The following CTIF variants were observed in gnomAD, a reference collection of about 807,000 sequenced individuals.
CTIF encodes the protein CBP80/20-dependent translation initiation factor.
CTIF carries 21 observed loss-of-function variants against 66.0 expected under a neutral mutation model. The observed-to-expected ratio is 0.32, with a 90% CI of 0.23 to 0.46. CTIF has a LOEUF of 0.46. Ranked by LOEUF, CTIF falls within the 20% of genes least tolerant of loss-of-function variation. The pLI is 1.00. For missense variants in CTIF, 739 were observed against 812.7 expected, an observed-to-expected ratio of 0.91 and a Z score of 1.10; for synonymous variants, 345 against 326.4, an observed-to-expected ratio of 1.06 and a Z score of -0.62.
At chr18:48,733,767 C>A (rs892029281) in intron 7 of CTIF, among the ~76,000 whole-genome samples, 6 of 152,200 alleles carry the variant, frequency 3.9e-5, no homozygotes, top group African/African-American at 1.4e-4. Flanking sequence ...CCTGTGGGGA[C>A]CCTCCTGGCT....
chr18:48,709,739 CCTTAT>C (rs2092202830), intron 6 of CTIF, among the ~76,000 whole-genome samples: 1 of 152,176 alleles, frequency 6.6e-6, no homozygotes, highest in Non-Finnish European at 1.5e-5. Context: ...TGGTGTTTTT[CCTTAT>C]TTGTGTTTTG....
At chr18:48,643,617 G>T (rs116624350) in intron 3 of CTIF, among the ~76,000 whole-genome samples, 2,211 of 152,242 alleles carry the variant, frequency 0.015, 56 homozygotes, top group African/African-American at 0.051. Flanking sequence ...GGCTGGCTTT[G>T]GGAGAAAGAG....
At chr18:48,605,758 T>G (rs992691005) in intron 1 of CTIF, among the ~76,000 whole-genome samples, 4 of 152,078 alleles carry the variant, frequency 2.6e-5, no homozygotes, top group African/African-American at 9.7e-5. Flanking sequence ...ACCATGGGCC[T>G]CTCGGAGGGA....
intron 6 of CTIF, among the ~76,000 whole-genome samples, chr18:48,675,225 C>T (rs919251097): frequency 8.5e-5 from 13 of 152,186 alleles, no homozygotes; most frequent in African/African-American, 3.1e-4. Context: ...ATCCACAAGG[C>T]TGGTGTCCTG....
At chr18:48,720,193 T>C (rs918878875) in intron 7 of CTIF, among the ~76,000 whole-genome samples, 1 of 152,208 alleles carries the variant, frequency 6.6e-6, no homozygotes, top group Admixed American at 6.5e-5. Context: ...TAAAGAAGTA[T>C]GTTGTAGGCA....
chr18:48,763,859 G>T (rs1909251052), intron 9 of CTIF, among the ~76,000 whole-genome samples: 1 of 152,054 alleles, frequency 6.6e-6, no homozygotes, highest in South Asian at 2.1e-4. Flanking sequence ...AACTGTCCTG[G>T]GTCCCCCTGA....
chr18:48,730,813 G>GT (rs2092450453), intron 7 of CTIF, among the ~76,000 whole-genome samples: 1 of 132,044 alleles, frequency 7.6e-6, no homozygotes, highest in African/African-American at 2.9e-5. Flanking sequence ...AGGGGCCTCT[G>GT]GCAGTGTGAG....
intron 1 of CTIF, among the ~76,000 whole-genome samples, chr18:48,568,867 G>A (rs60490344): frequency 2.6e-5 from 4 of 152,120 alleles, no homozygotes; most frequent in South Asian, 2.1e-4. Flanking sequence ...CCACCCCCAC[G>A]ATTCAATTAT....
At chr18:48,568,633 TAAAAAAAAAAAAAAAAAAAAAAAAAAA>T (rs58084631) in intron 1 of CTIF, among the ~76,000 whole-genome samples, 1 of 36,622 alleles carries the variant, frequency 2.7e-5, no homozygotes, top group Non-Finnish European at 6.0e-5. Context: ...GGGCAATTTG[TAAAAAAAAAAAAAAAAAAAAAAAAAAA>T]AAAAAAAAGA....
intron 1 of CTIF, among the ~76,000 whole-genome samples, chr18:48,594,602 C>G (rs1183932902): frequency 2.0e-5 from 3 of 152,192 alleles, no homozygotes; most frequent in Non-Finnish European, 2.9e-5. Context: ...ATCCCGGCCT[C>G]TGCCCCTTCC....
At chr18:48,770,078 C>T (rs1036714995) in intron 9 of CTIF, among the ~76,000 whole-genome samples, 8 of 152,156 alleles carry the variant, frequency 5.3e-5, no homozygotes, top group Non-Finnish European at 7.3e-5. Context: ...AGCCGATGAC[C>T]GGATCATAAA....
chr18:48,541,428 A>C (rs2088617400), intron 1 of CTIF, among the ~76,000 whole-genome samples: 3 of 152,134 alleles, frequency 2.0e-5, no homozygotes, highest in Admixed American at 2.0e-4. Flanking sequence ...AGCCGCCCAG[A>C]GCGCAGGGAG....
intron 7 of CTIF, among the ~76,000 whole-genome samples, chr18:48,717,732 A>G (rs2145541463): frequency 6.6e-6 from 1 of 152,290 alleles, no homozygotes; most frequent in South Asian, 2.1e-4. Flanking sequence ...ACACCCCTTC[A>G]AAATTTTTTT....
At chr18:48,729,583 G>A (rs1165474356) in intron 7 of CTIF, among the ~76,000 whole-genome samples, 2 of 152,330 alleles carry the variant, frequency 1.3e-5, no homozygotes, top group East Asian at 1.9e-4. Context: ...AAGGTGATGC[G>A]ATTTACTCCA....
chr18:48,677,839 G>A (rs1426732941), intron 6 of CTIF, among the ~76,000 whole-genome samples: 1 of 152,202 alleles, frequency 6.6e-6, no homozygotes, highest in African/African-American at 2.4e-5. Flanking sequence ...CTCCCACCCA[G>A]CATCTTAGTC....
chr18:48,630,206 C>G (rs2090677544), intron 2 of CTIF, among the ~76,000 whole-genome samples: 1 of 151,356 alleles, frequency 6.6e-6, no homozygotes, highest in Admixed American at 6.6e-5. Context: ...GCAGACATCT[C>G]TGTTACAGGA....
intron 7 of CTIF, among the ~76,000 whole-genome samples, chr18:48,745,767 CAAAG>C (rs762110763): frequency 2.0e-5 from 3 of 152,206 alleles, no homozygotes; most frequent in Non-Finnish European, 4.4e-5. Context: ...AGGTTCTAGA[CAAAG>C]AAACTATCTG....
chr18:48,783,780 G>A (rs1393227834), intron 9 of CTIF, among the ~76,000 whole-genome samples: 3 of 152,098 alleles, frequency 2.0e-5, no homozygotes, highest in Admixed American at 1.3e-4. Context: ...CCCGTAGGCC[G>A]GGGGAAACCT....
At chr18:48,584,692 G>C (rs1253580645) in intron 1 of CTIF, among the ~76,000 whole-genome samples, 1 of 152,178 alleles carries the variant, frequency 6.6e-6, no homozygotes, top group Non-Finnish European at 1.5e-5. Context: ...TCCTCTGACT[G>C]TCTGCCCACC....
Sources: gnomAD v4.1 joint callset for allele counts (sites outside exome capture counted in the v4.1 genomes callset) on GRCh38, gnomAD v4.1.1 for gene constraint, MANE v1.5 for transcripts, NCBI Gene and HGNC (gene_info 2026-07-23, HGNC 2026-07-21) for gene names.